SSH2: variants seen among roughly 807,000 people sequenced by gnomAD.
SSH2 encodes the protein slingshot protein phosphatase 2, also known as protein phosphatase Slingshot homolog 2.
Under a neutral mutation model 135.2 loss-of-function variants are expected in SSH2, and 37 were observed. The observed-to-expected ratio is 0.27, with a 90% confidence interval of 0.21 to 0.36. SSH2 has a LOEUF of 0.36. Ranked by LOEUF, SSH2 falls within the 10% of genes least tolerant of loss-of-function variation. The pLI, the probability that SSH2 is intolerant of heterozygous loss-of-function variation, is 1.00. For synonymous variants in SSH2, 628 were observed against 646.2 expected (o/e 0.97, Z 0.43); for missense variants, 1,408 against 1,765.3 (o/e 0.80, Z 3.63).
intron 9 of SSH2, among the ~76,000 whole-genome samples, chr17:29,668,257 A>G (rs1346986948): frequency 6.6e-6 from 1 of 152,216 alleles, no homozygotes; most frequent in Non-Finnish European, 1.5e-5. Flanking sequence ...GGGGCTTCCC[A>G]CCACTTGGAC....
Position 29,655,552 on chromosome 17 carries a change from T to A in SSH2, c.1079+9A>T. The A allele has an allele frequency of 1.2e-5, 20 of 1,614,028 alleles. No homozygotes were observed. Among genetic ancestry groups the A allele is most frequent in the Non-Finnish European group, 1.7e-5 (20 of 1,179,882 alleles). On this transcript the variant is annotated intron_variant, in intron 12 of 15. Transcript: ENST00000540801. ...CACAGGGGTGCCAGCTATTGCTTTG[T>A]GTGCTTACCCTCGGTTCTGTAAGTC... is the stretch of plus-strand genomic sequence containing the variant.
At chr17:29,885,910 G>A (rs564404530) in intron 1 of SSH2, among the ~76,000 whole-genome samples, 3 of 152,274 alleles carry the variant, frequency 2.0e-5, no homozygotes, top group South Asian at 2.1e-4. Context: ...ATGTGGAACT[G>A]TGAGTCCATT....
chr17:29,753,154 G>A (rs892719101), intron 3 of SSH2, among the ~76,000 whole-genome samples: 7 of 151,916 alleles, frequency 4.6e-5, no homozygotes, highest in African/African-American at 1.5e-4. Context: ...TTTTTGAGAC[G>A]GAGTCTTGCT....
chr17:29,750,859 C>T (rs903085806), intron 3 of SSH2, among the ~76,000 whole-genome samples: 2 of 83,576 alleles, frequency 2.4e-5, no homozygotes, highest in African/African-American at 7.5e-5. Flanking sequence ...ACCAAAAATA[C>T]AAAAAAAAAA....
chr17:29,679,370 G>A (rs2037869478), intron 6 of SSH2, among the ~76,000 whole-genome samples: 1 of 151,264 alleles, frequency 6.6e-6, no homozygotes, highest in Admixed American at 6.6e-5. Context: ...CTGGTTTCTT[G>A]CACTAACTGT....
chr17:29,719,180 A>G, intron 3 of SSH2, among the ~76,000 whole-genome samples: 1 of 152,204 alleles, frequency 6.6e-6, no homozygotes, highest in East Asian at 1.9e-4. Flanking sequence ...TCAGCTGCCT[A>G]CTGGATAGCT....
At chr17:29,694,051 T>C (rs778852679) in intron 5 of SSH2, among the ~76,000 whole-genome samples, 13 of 151,980 alleles carry the variant, frequency 8.6e-5, no homozygotes, top group Non-Finnish European at 1.8e-4. Flanking sequence ...TGGCCCAGCA[T>C]AAATTCATAA....
At chr17:29,644,486 G>C (rs1288838545) in intron 14 of SSH2, among the ~76,000 whole-genome samples, 4 of 152,098 alleles carry the variant, frequency 2.6e-5, no homozygotes, top group Non-Finnish European at 4.4e-5. Flanking sequence ...CCACTACAAT[G>C]CCACACTTGT....
chr17:29,905,885 T>A (rs1197755514), intron 1 of SSH2, among the ~76,000 whole-genome samples: 1 of 152,154 alleles, frequency 6.6e-6, no homozygotes, highest in African/African-American at 2.4e-5. Context: ...GATGACTAAC[T>A]GCAGAAAGGA....
chr17:29,643,442 C>G, intron 14 of SSH2: 1 of 184,688 alleles, frequency 5.4e-6, no homozygotes, highest in Non-Finnish European at 1.0e-5. Flanking sequence ...CACGGAGTCT[C>G]GCTCTGTCAC....
At chr17:29,642,575 C>T (rs538206900) in intron 14 of SSH2, among the ~76,000 whole-genome samples, 2 of 151,872 alleles carry the variant, frequency 1.3e-5, no homozygotes, top group East Asian at 1.9e-4. Context: ...ACCACCCCCC[C>T]CACCGCCTCT....
chr17:29,697,212 A>G (rs1464960833), intron 4 of SSH2, among the ~76,000 whole-genome samples: 1 of 152,178 alleles, frequency 6.6e-6, no homozygotes, highest in Non-Finnish European at 1.5e-5. Context: ...ATAAATTATG[A>G]AAATCTGTGA....
intron 3 of SSH2, among the ~76,000 whole-genome samples, chr17:29,786,261 A>G (rs983983111): frequency 2.0e-5 from 3 of 152,210 alleles, no homozygotes; most frequent in Non-Finnish European, 4.4e-5. Context: ...CAGGTTGGAA[A>G]GGTTCCCTGG....
chr17:29,891,417 G>A (rs1567634958), intron 1 of SSH2, among the ~76,000 whole-genome samples: 2 of 151,908 alleles, frequency 1.3e-5, no homozygotes, highest in African/African-American at 4.8e-5. Context: ...ATCAGATTTA[G>A]CCTTCACTTC....
intron 4 of SSH2, among the ~76,000 whole-genome samples, chr17:29,700,218 A>T (rs1039858146): frequency 6.6e-6 from 1 of 152,214 alleles, no homozygotes; most frequent in Non-Finnish European, 1.5e-5. Context: ...CCTGGAGGTC[A>T]TAAGTGGTCA....
intron 3 of SSH2, among the ~76,000 whole-genome samples, chr17:29,772,512 T>C (rs1330685863): frequency 6.6e-6 from 1 of 152,178 alleles, no homozygotes; most frequent in Non-Finnish European, 1.5e-5. Context: ...TAGTTAATTT[T>C]AGGTATCAAT....
At chr17:29,855,238 A>C (rs1178474766) in intron 1 of SSH2, among the ~76,000 whole-genome samples, 1 of 152,046 alleles carries the variant, frequency 6.6e-6, no homozygotes, top group Non-Finnish European at 1.5e-5. Flanking sequence ...GTGGTGGCCC[A>C]TGCCTGTAAT....
chr17:29,635,621 G>A (rs1401290619), intron 15 of SSH2, among the ~76,000 whole-genome samples: 1 of 149,942 alleles, frequency 6.7e-6, no homozygotes, highest in Non-Finnish European at 1.5e-5. Flanking sequence ...TGTTAGCCAG[G>A]ATGGTTTCGA....
chr17:29,911,304 T>C (rs1161191458), intron 1 of SSH2, among the ~76,000 whole-genome samples: 4 of 152,206 alleles, frequency 2.6e-5, no homozygotes, highest in Non-Finnish European at 5.9e-5. Flanking sequence ...CAGTCTCAGT[T>C]ACAGAGTTGT....
Sources: allele counts gnomAD v4.1 joint callset (sites outside exome capture counted in the v4.1 genomes callset), GRCh38; gene constraint gnomAD v4.1.1; transcripts MANE v1.5; gene names NCBI Gene and HGNC (gene_info 2026-07-23, HGNC 2026-07-21).